The following DNAJC1 variants were observed in gnomAD, a reference collection of about 807,000 sequenced individuals.
The protein encoded by DNAJC1 is dnaJ homolog subfamily C member 1.
A neutral mutation model predicts 76.6 loss-of-function variants in DNAJC1; 58 were observed. That is an observed-to-expected ratio of 0.76 (90% CI 0.61 to 0.94). The LOEUF is 0.94. Among genes scored for constraint, DNAJC1 ranks in the 40% least tolerant of loss-of-function variants. The pLI is 0.00. For synonymous variants in DNAJC1, 258 were observed against 267.9 expected, an observed-to-expected ratio of 0.96 and a Z score of 0.36; for missense variants, 689 against 677.3, an observed-to-expected ratio of 1.02 and a Z score of -0.19.
intron 8 of DNAJC1, among the ~76,000 whole-genome samples, chr10:21,824,695 C>T (rs1835218818): frequency 6.6e-6 from 1 of 152,190 alleles, no homozygotes; most frequent in Non-Finnish European, 1.5e-5. Context: ...TGTCACAAAC[C>T]TGCCCTTATT....
chr10:21,970,826 T>G (rs1837965162), intron 1 of DNAJC1, among the ~76,000 whole-genome samples: 1 of 152,034 alleles, frequency 6.6e-6, no homozygotes, highest in African/African-American at 2.4e-5. Context: ...AATCATACCC[T>G]AATTTTTCTA....
chr10:21,907,080 A>T (rs536208632), intron 6 of DNAJC1, among the ~76,000 whole-genome samples: 1 of 152,120 alleles, frequency 6.6e-6, no homozygotes, highest in African/African-American at 2.4e-5. Flanking sequence ...AAATTTGAAC[A>T]TTTTCCCTGT....
intron 8 of DNAJC1, among the ~76,000 whole-genome samples, chr10:21,837,906 C>T (rs1170983679): frequency 3.0e-5 from 4 of 135,444 alleles, no homozygotes; most frequent in African/African-American, 8.1e-5. Flanking sequence ...CCGCCCCGTC[C>T]GGGAGGGAGG....
At position 21,790,297 on chromosome 10, in the gene DNAJC1, A is replaced by C. The variant is rs867787372; in HGVS notation, c.1098+15683T>G. Among the ~76,000 whole-genome samples the C allele has an allele frequency of 2.6e-5, 4 of 152,094 alleles. No homozygotes were observed. In the Middle Eastern group the frequency reaches 0.014, roughly 517 times the overall value. On this transcript the variant is annotated intron_variant, in intron 9 of 11. Transcript: ENST00000376980. ...CAAAGAATAGTTGAAAACTTCCCAA[A>C]TCTGGGGCATCCAGAGACCCCCAAA...
intron 7 of DNAJC1, among the ~76,000 whole-genome samples, chr10:21,894,084 T>C (rs1250957900): frequency 6.6e-6 from 1 of 152,144 alleles, no homozygotes; most frequent in African/African-American, 2.4e-5. Flanking sequence ...ACACAAACTA[T>C]CTCAATTCAC....
At chr10:21,859,971 A>G (rs1226797308) in intron 8 of DNAJC1, among the ~76,000 whole-genome samples, 1 of 151,894 alleles carries the variant, frequency 6.6e-6, no homozygotes, top group East Asian at 1.9e-4. Context: ...TTTAGTAGAG[A>G]TGGGGTTTCG....
intron 8 of DNAJC1, among the ~76,000 whole-genome samples, chr10:21,820,602 A>T (rs1835142154): frequency 6.6e-6 from 1 of 152,062 alleles, no homozygotes. Context: ...TTCAATTCTG[A>T]CCCTATCTAC....
At chr10:21,890,955 C>T (rs191315507) in intron 7 of DNAJC1, among the ~76,000 whole-genome samples, 3 of 152,076 alleles carry the variant, frequency 2.0e-5, no homozygotes, top group Admixed American at 6.6e-5. Flanking sequence ...CTTTGGGAGG[C>T]CAAGGTGGGC....
rs1294549334 is a variant in DNAJC1 at position 21,759,302 on chromosome 10, C to A, written c.1464G>T (p.Glu488Asp). The change falls in exon 11 of 12, where the codon GAG (glutamate) becomes GAT (aspartate). Residue 488 changes from glutamate to aspartate, a missense_variant. Transcript: ENST00000376980. ...ESSDEESLRK[E>D]RARSAEEPWT... ...ACGGCTCCTCTGCAGACCGAGCTCT[C>A]TCTTTTCTCAGGCTCTCCTCGTCGC... 1.2e-6 allele frequency: 2 copies of A among 1,614,148 alleles called. No individual in the cohort carries two copies. The highest frequency in any genetic ancestry group is 1.1e-5 in the South Asian group (1 of 91,092).
intron 8 of DNAJC1, among the ~76,000 whole-genome samples, chr10:21,822,772 T>C (rs960140831): frequency 2.0e-5 from 3 of 152,192 alleles, no homozygotes; most frequent in East Asian, 1.9e-4. Context: ...AATAGTTCCA[T>C]AAAATTAAGG....
intron 8 of DNAJC1, among the ~76,000 whole-genome samples, chr10:21,849,918 C>A (rs570171913): frequency 3.2e-4 from 49 of 152,174 alleles, no homozygotes; most frequent in Admixed American, 2.0e-3. Context: ...AAATTCAACA[C>A]CCTTTCCTAA....
chr10:21,793,366 T>C (rs961783024), intron 9 of DNAJC1, among the ~76,000 whole-genome samples: 2 of 152,114 alleles, frequency 1.3e-5, no homozygotes, highest in Admixed American at 1.3e-4. Context: ...TAATACTTAA[T>C]GGTGAAAGAC....
At chr10:21,829,761 T>A (rs936158414) in intron 8 of DNAJC1, among the ~76,000 whole-genome samples, 2 of 152,270 alleles carry the variant, frequency 1.3e-5, no homozygotes, top group Non-Finnish European at 2.9e-5. Context: ...GTTATTTAAC[T>A]GGTAATTATA....
At chr10:21,761,261 T>TA (rs1235755264) in intron 10 of DNAJC1, among the ~76,000 whole-genome samples, 1 of 151,810 alleles carries the variant, frequency 6.6e-6, no homozygotes, top group East Asian at 2.0e-4. Flanking sequence ...TTTTATTTAA[T>TA]AAAAAACAAA....
chr10:21,921,301 A>T (rs1275314004), intron 3 of DNAJC1, among the ~76,000 whole-genome samples: 1 of 151,976 alleles, frequency 6.6e-6, no homozygotes, highest in Non-Finnish European at 1.5e-5. Context: ...CTACCATTGA[A>T]GTCAGCAACA....
intron 7 of DNAJC1, among the ~76,000 whole-genome samples, chr10:21,883,226 G>A (rs967867728): frequency 4.5e-5 from 6 of 134,134 alleles, no homozygotes; most frequent in Non-Finnish European, 9.5e-5. Flanking sequence ...TTCCAGCCTG[G>A]GTGACAGAGT....
At chr10:21,844,140 A>T (rs1406411402) in intron 8 of DNAJC1, among the ~76,000 whole-genome samples, 2 of 152,194 alleles carry the variant, frequency 1.3e-5, no homozygotes, top group Non-Finnish European at 2.9e-5. Flanking sequence ...CTGTAAGTCA[A>T]TTAAACCTCT....
intron 8 of DNAJC1, among the ~76,000 whole-genome samples, chr10:21,848,565 T>A (rs925977663): frequency 3.3e-5 from 5 of 152,186 alleles, no homozygotes; most frequent in African/African-American, 1.2e-4. Flanking sequence ...ACTTTCAATA[T>A]GGATAGAACA....
At chr10:21,860,101 C>G (rs934334056) in intron 8 of DNAJC1, among the ~76,000 whole-genome samples, 3 of 147,648 alleles carry the variant, frequency 2.0e-5, no homozygotes. Context: ...CTTCTTAATG[C>G]AAACAGCAGA....
Sources: gnomAD v4.1 joint callset for allele counts (sites outside exome capture counted in the v4.1 genomes callset) on GRCh38, gnomAD v4.1.1 for gene constraint, MANE v1.5 for transcripts, NCBI Gene and HGNC (gene_info 2026-07-23, HGNC 2026-07-21) for gene names.